IL34: variants seen among roughly 807,000 people sequenced by gnomAD.
IL34 encodes the protein interleukin-34.
A neutral mutation model predicts 25.3 loss-of-function variants in IL34; 17 were observed. The ratio of observed to expected loss-of-function variants is 0.67; its 90% CI spans 0.46 to 1.01. The LOEUF is 1.01. IL34 is among the 50% of genes least tolerant of loss of function. The pLI is 0.00. For missense variants in IL34, 368 were observed against 312.9 expected (o/e 1.18, Z -1.33); for synonymous variants, 174 against 140.9 (o/e 1.23, Z -1.66).
chr16:70,613,915 C>T lies in IL34; in HGVS notation c.-400-32633C>T, dbSNP rs551103599. Among the ~76,000 whole-genome samples the T allele has an allele frequency of 2.1e-4, 31 of 149,782 alleles. No individual in the cohort carries two copies. The South Asian group carries it at 2.3e-3, about 11-fold the overall frequency. ...AAGAAATGCAGAGTCCAGCCAGGCACGGTGGCTCACCCCTGTAATCCCAGT... is the reference window on the plus strand; with the variant it reads ...AAGAAATGCAGAGTCCAGCCAGGCATGGTGGCTCACCCCTGTAATCCCAGT... On this transcript the variant is annotated intron_variant, in intron 1 of 6. Coordinates refer to the IL34 transcript ENST00000429149.
At chr16:70,639,996 T>C (rs578241901) in intron 1 of IL34, among the ~76,000 whole-genome samples, 55 of 152,152 alleles carry the variant, frequency 3.6e-4, no homozygotes, top group Admixed American at 7.9e-4. Flanking sequence ...AAGTGGACCA[T>C]GGATCTGCAA....
At chr16:70,656,838 C>G (rs1210870390) in intron 3 of IL34, 122 bp from the exon 4 acceptor site, 2 of 1,193,610 alleles carry the variant, frequency 1.7e-6, no homozygotes, top group African/African-American at 3.0e-5. Context: ...ACATGTTTGT[C>G]CACTGTCCAC....
intron 1 of IL34, among the ~76,000 whole-genome samples, chr16:70,638,475 G>GGA (rs2051707355): frequency 6.6e-6 from 1 of 151,924 alleles, no homozygotes; most frequent in Non-Finnish European, 1.5e-5. Context: ...GAAAAGAACT[G>GGA]GAGTCATCCC....
intron 4 of IL34, 63 bp from the exon 5 acceptor site, chr16:70,659,555 T>C: frequency 6.5e-7 from 1 of 1,541,574 alleles, no homozygotes. Flanking sequence ...TGGACAGCCC[T>C]CACGGCTCTC....
chr16:70,659,650 GT>G lies in IL34; in HGVS notation c.437del (p.Leu146CysfsTer4). On this transcript the variant is annotated frameshift_variant, in exon 5 of 6. Coordinates refer to ENST00000288098, the MANE Select transcript of IL34 (RefSeq NM_001393494.1). LOFTEE classifies it high-confidence loss of function. ...AGGTCAGCCCCAAGGTGGAATCCGT[GT>G]TGTCCCTCTTGAATGCCCCAGGGCC... ...VEVSPKVESV[L>X]SLLNAPGPNL... is the part of the protein sequence containing the mutation. The G allele has an allele frequency of 1.2e-6, 2 of 1,612,872 alleles. No homozygotes were observed. The highest frequency in any genetic ancestry group is 1.7e-6 in the Non-Finnish European group (2 of 1,179,398).
At chr16:70,635,603 G>A (rs1181247628) in intron 1 of IL34, among the ~76,000 whole-genome samples, 4 of 152,190 alleles carry the variant, frequency 2.6e-5, no homozygotes, top group Non-Finnish European at 2.9e-5. Context: ...GCTGTTTCCA[G>A]TGTTCAAGGG....
chr16:70,626,889 TGA>T, intron 1 of IL34, among the ~76,000 whole-genome samples: 1 of 152,204 alleles, frequency 6.6e-6, no homozygotes, highest in Non-Finnish European at 1.5e-5. Context: ...TGTATGTATT[TGA>T]GTCTATTTCA....
intron 1 of IL34, among the ~76,000 whole-genome samples, chr16:70,609,423 T>G (rs2051058355): frequency 6.6e-6 from 1 of 152,260 alleles, no homozygotes; most frequent in Non-Finnish European, 1.5e-5. Context: ...CGCAAGCTGT[T>G]AAGTCCTGGG....
intron 1 of IL34, among the ~76,000 whole-genome samples, chr16:70,628,309 T>C (rs1363745047): frequency 6.6e-6 from 1 of 152,190 alleles, no homozygotes; most frequent in Non-Finnish European, 1.5e-5. Context: ...ACACAGTATA[T>C]CTTTTTCCAT....
At chr16:70,630,696 C>A (rs889903891) in intron 1 of IL34, among the ~76,000 whole-genome samples, 2 of 151,972 alleles carry the variant, frequency 1.3e-5, no homozygotes, top group African/African-American at 2.4e-5. Context: ...ACCTCAGCTT[C>A]CCAAGTAGCT....
intron 1 of IL34, among the ~76,000 whole-genome samples, chr16:70,653,255 C>T (rs1171989320): frequency 6.6e-6 from 1 of 151,290 alleles, no homozygotes; most frequent in African/African-American, 2.4e-5. Flanking sequence ...GCACATGCCT[C>T]TCATCCCAGC....
intron 1 of IL34, among the ~76,000 whole-genome samples, chr16:70,614,812 T>A (rs2151830689): frequency 6.6e-6 from 1 of 152,360 alleles, no homozygotes; most frequent in South Asian, 2.1e-4. Flanking sequence ...TCCTTGATTA[T>A]AAATGACAGA....
chr16:70,610,716 C>T (rs550581062), intron 1 of IL34, among the ~76,000 whole-genome samples: 1 of 152,290 alleles, frequency 6.6e-6, no homozygotes, highest in African/African-American at 2.4e-5. Context: ...AAGAAACCAG[C>T]TGGGGAGAAA....
At chr16:70,631,062 G>A (rs181144168) in intron 1 of IL34, among the ~76,000 whole-genome samples, 4 of 152,292 alleles carry the variant, frequency 2.6e-5, no homozygotes, top group African/African-American at 4.8e-5. Context: ...TTCAATTTGT[G>A]GTTGGTTGAA....
At chr16:70,657,231 G>T in intron 4 of IL34, 110 bp downstream of exon 4, 1 of 1,152,432 alleles carries the variant, frequency 8.7e-7, no homozygotes, top group Non-Finnish European at 1.2e-6. Flanking sequence ...TACACGGAAA[G>T]ATGGGCACAA....
At chr16:70,651,483 T>TATGGG (rs1313131078) in intron 1 of IL34, among the ~76,000 whole-genome samples, 1 of 152,102 alleles carries the variant, frequency 6.6e-6, no homozygotes, top group Non-Finnish European at 1.5e-5. Flanking sequence ...TGTGGGGCTA[T>TATGGG]ATGGGGTACA....
At chr16:70,620,282 A>G (rs1367471028) in intron 1 of IL34, among the ~76,000 whole-genome samples, 1 of 152,066 alleles carries the variant, frequency 6.6e-6, no homozygotes. Context: ...TACTTGATGA[A>G]AAAGAGCCTA....
At chr16:70,607,146 G>C (rs1005531764) in intron 1 of IL34, among the ~76,000 whole-genome samples, 1 of 152,126 alleles carries the variant, frequency 6.6e-6, no homozygotes, top group Non-Finnish European at 1.5e-5. Context: ...CAGTCGCCCA[G>C]GCTGGAGTGC....
intron 1 of IL34, among the ~76,000 whole-genome samples, chr16:70,580,392 G>A (rs547480096): frequency 6.6e-6 from 1 of 152,380 alleles, no homozygotes; most frequent in East Asian, 1.9e-4. Flanking sequence ...GGCATGGGCC[G>A]TGGGGCGCTG....
Sources: gnomAD v4.1 joint callset for allele counts (sites outside exome capture counted in the v4.1 genomes callset) on GRCh38, gnomAD v4.1.1 for gene constraint, MANE v1.5 for transcripts, NCBI Gene and HGNC (gene_info 2026-07-23, HGNC 2026-07-21) for gene names.